The following TTC28 variants were observed in gnomAD, a reference collection of about 807,000 sequenced individuals.
TTC28 encodes the protein tetratricopeptide repeat domain 28.
A neutral mutation model predicts 198.0 loss-of-function variants in TTC28; 61 were observed. The observed-to-expected ratio is 0.31, with a 90% CI of 0.25 to 0.38. The LOEUF is 0.38. TTC28 is among the 10% of genes least tolerant of loss of function. The pLI is 1.00. For synonymous variants in TTC28, 1,171 were observed against 1,297.8 expected (o/e 0.90, Z 2.10); for missense variants, 2,678 against 3,164.0 (o/e 0.85, Z 3.69).
At chr22:28,353,457 A>G (rs184783849) in intron 2 of TTC28, among the ~76,000 whole-genome samples, 2 of 152,338 alleles carry the variant, frequency 1.3e-5, no homozygotes, top group African/African-American at 4.8e-5. Flanking sequence ...ACTATAAAGC[A>G]ATGGTATCAA....
chr22:28,577,223 T>C (rs2050165278), intron 2 of TTC28, among the ~76,000 whole-genome samples: 1 of 152,064 alleles, frequency 6.6e-6, no homozygotes, highest in African/African-American at 2.4e-5. Flanking sequence ...TAATTTTTTA[T>C]TGACCCACTG....
chr22:28,170,722 T>C (rs1388136766), intron 5 of TTC28, among the ~76,000 whole-genome samples: 1 of 152,144 alleles, frequency 6.6e-6, no homozygotes, highest in African/African-American at 2.4e-5. Context: ...CTTATCTTTG[T>C]TCCTTCAATG....
At chr22:28,339,420 T>A (rs996309072) in intron 2 of TTC28, among the ~76,000 whole-genome samples, 1 of 152,188 alleles carries the variant, frequency 6.6e-6, no homozygotes, top group Non-Finnish European at 1.5e-5. Flanking sequence ...TTCAAAGCTG[T>A]CAGACAGGGA....
At chr22:28,011,270 G>A (rs950172456) in intron 14 of TTC28, among the ~76,000 whole-genome samples, 2 of 152,146 alleles carry the variant, frequency 1.3e-5, no homozygotes, top group Non-Finnish European at 2.9e-5. Context: ...GCAAATTCAA[G>A]TTTGGCTTTT....
intron 12 of TTC28, among the ~76,000 whole-genome samples, chr22:28,045,505 G>C (rs1939826163): frequency 6.6e-6 from 1 of 152,150 alleles, no homozygotes; most frequent in African/African-American, 2.4e-5. Context: ...GATAATAATA[G>C]GATTAATGAA....
chr22:28,456,592 T>C (rs2047863166), intron 2 of TTC28, among the ~76,000 whole-genome samples: 1 of 152,240 alleles, frequency 6.6e-6, no homozygotes, highest in Non-Finnish European at 1.5e-5. Context: ...TTTTTTTTTC[T>C]TTGAGACGAA....
Position 28,627,693 on chromosome 22 carries a change from A to C in TTC28, c.381+1859T>G, listed in dbSNP as rs2051098618. On this transcript the variant is annotated intron_variant, in intron 2 of 22. Transcript: ENST00000397906. Reference sequence around the variant, plus strand: ...GTGATCCGCCTACCTCAGCCTCCCAAAGTGCTGGGATTACAGGCGTGAAGC... The same window carrying C: ...GTGATCCGCCTACCTCAGCCTCCCACAGTGCTGGGATTACAGGCGTGAAGC... Among the ~76,000 whole-genome samples the C allele has an allele frequency of 2.0e-5, 3 of 152,188 alleles. No individual in the cohort carries two copies. The East Asian group carries it at 5.8e-4, about 29-fold the overall frequency.
intron 3 of TTC28, among the ~76,000 whole-genome samples, chr22:28,302,817 G>A (rs575784487): frequency 1.1e-4 from 17 of 152,224 alleles, no homozygotes; most frequent in African/African-American, 3.4e-4. Flanking sequence ...TAGGATTACA[G>A]GTGCCCGAGC....
intron 2 of TTC28, among the ~76,000 whole-genome samples, chr22:28,446,439 A>C (rs1267251140): frequency 6.6e-6 from 1 of 152,122 alleles, no homozygotes; most frequent in African/African-American, 2.4e-5. Context: ...ATAATCCCCA[A>C]TGTCAGAGGT....
chr22:28,089,949 C>T (rs572191067), intron 12 of TTC28, among the ~76,000 whole-genome samples: 121 of 151,850 alleles, frequency 8.0e-4, no homozygotes, highest in Middle Eastern at 3.4e-3. Context: ...GAACATCACA[C>T]ACCGGGGACT....
At chr22:28,028,308 C>T (rs928363891) in intron 13 of TTC28, among the ~76,000 whole-genome samples, 1 of 152,122 alleles carries the variant, frequency 6.6e-6, no homozygotes, top group Non-Finnish European at 1.5e-5. Context: ...TGGCTGGGGG[C>T]GGAGATTGTG....
rs1937035805 is a variant in TTC28, at chr22:27,981,975, A to G, written c.*246T>C. On this transcript the variant is annotated 3_prime_UTR_variant, in exon 23 of 23. Transcript: ENST00000397906. The stretch of plus-strand genomic sequence containing the variant: ...TCAAAGGTAAACAAACATTTGGTGA[A>G]GTGTGTAGGAAATTCCATGAGCCTC... 1 of 407,822 alleles carries G rather than the reference A, an allele frequency of 2.5e-6. No individual in the cohort carries two copies. Among genetic ancestry groups the G allele is most frequent in the East Asian group, 3.6e-5 (1 of 27,486 alleles). 25.3% of individuals were successfully genotyped at this position (407,822 alleles called of 1,614,324 possible). A position where few individuals can be genotyped will look rare whatever the true frequency, so the allele number is the denominator to read the frequency against.
chr22:28,107,348 C>T lies in TTC28; in HGVS notation c.2497G>A (p.Glu833Lys). Residue 833 changes from glutamate (E) to lysine (K), a missense_variant, in exon 7 of 23, where the codon GAA becomes AAA. By Grantham distance (56) the Glu-to-Lys change is moderately conservative (BLOSUM62 1). Transcript: ENST00000397906. ...LGQKLKDPSL[E>K]AQVYGNMGIT... ...CCCATGTTGCCATAGACCTGGGCTT[C>T]CAGACTCGGATCCTTCAGCTTTTGC... 2 of 1,551,982 alleles carry T rather than the reference C, an allele frequency of 1.3e-6. No individual in the cohort carries two copies. The highest frequency in any genetic ancestry group is 8.7e-7 in the Non-Finnish European group (1 of 1,147,068).
At chr22:28,488,120 G>T (rs1035052890) in intron 2 of TTC28, among the ~76,000 whole-genome samples, 12 of 152,138 alleles carry the variant, frequency 7.9e-5, no homozygotes, top group African/African-American at 2.9e-4. Context: ...CAGCTTAGGG[G>T]GAGTTATGAA....
intron 5 of TTC28, among the ~76,000 whole-genome samples, chr22:28,282,052 T>A (rs772987009): frequency 2.0e-5 from 3 of 152,332 alleles, no homozygotes; most frequent in Middle Eastern, 6.8e-3. Flanking sequence ...GCCTACACTC[T>A]TACAAAACCA....
chr22:28,181,207 T>C (rs1009565397), intron 5 of TTC28, among the ~76,000 whole-genome samples: 2 of 152,188 alleles, frequency 1.3e-5, no homozygotes, highest in African/African-American at 4.8e-5. Context: ...ATCTATTACC[T>C]AGACCTAAGA....
chr22:28,146,547 A>G (rs1943474041), intron 6 of TTC28, among the ~76,000 whole-genome samples: 1 of 152,214 alleles, frequency 6.6e-6, no homozygotes, highest in Non-Finnish European at 1.5e-5. Context: ...ATTTCTGGTT[A>G]AACTCCAGAT....
At chr22:28,487,372 A>C (rs1406510230) in intron 2 of TTC28, among the ~76,000 whole-genome samples, 1 of 151,892 alleles carries the variant, frequency 6.6e-6, no homozygotes, top group Non-Finnish European at 1.5e-5. Flanking sequence ...CAATATATAA[A>C]TATACACATA....
intron 2 of TTC28, among the ~76,000 whole-genome samples, chr22:28,503,527 T>G (rs2048564396): frequency 6.6e-6 from 1 of 152,206 alleles, no homozygotes; most frequent in Non-Finnish European, 1.5e-5. Context: ...TCATTAGGCT[T>G]CAGTTTCTGT....
Sources: gnomAD v4.1 joint callset for allele counts (sites outside exome capture counted in the v4.1 genomes callset) on GRCh38, gnomAD v4.1.1 for gene constraint, MANE v1.5 for transcripts, NCBI Gene and HGNC (gene_info 2026-07-23, HGNC 2026-07-21) for gene names.